The following COL25A1 variants were observed in gnomAD, a reference collection of about 807,000 sequenced individuals.
The protein encoded by COL25A1 is collagen type XXV alpha 1 chain.
In COL25A1, 103 loss-of-function variants were observed where a neutral mutation model predicts 128.4. The ratio of observed to expected loss-of-function variants is 0.80; its 90% confidence interval spans 0.68 to 0.94. COL25A1 has a LOEUF of 0.94. COL25A1 is among the 40% of genes least tolerant of loss of function. The pLI is 0.00. For missense variants in COL25A1, 745 were observed against 840.0 expected (o/e 0.89, Z 1.40); for synonymous variants, 279 against 277.2 (o/e 1.01, Z -0.06).
chr4:109,163,751 A>G (rs1772806572), intron 3 of COL25A1, among the ~76,000 whole-genome samples: 1 of 152,230 alleles, frequency 6.6e-6, no homozygotes, highest in Non-Finnish European at 1.5e-5. Context: ...GTTCATTATG[A>G]GAAGCCACCT....
At position 108,824,209 on chromosome 4, in the gene COL25A1, C is replaced by A. The variant is rs1560702524; in HGVS notation, c.1810G>T (p.Gly604Cys). 1 of 1,613,442 alleles carries A rather than the reference C, an allele frequency of 6.2e-7. No homozygotes were observed. Among genetic ancestry groups the A allele is most frequent in the Non-Finnish European group, 8.5e-7 (1 of 1,179,704 alleles). The stretch of plus-strand genomic sequence containing the variant: ...TTTTCTCCTAGATCACCCTTCTCAC[C>A]CCGTGGACCAGGGAAGCCCTGTAAG... ...PGLDGFPGPR[G>C]EKGDLGEKGE... The change falls in exon 35 of 38, where the codon GGT becomes TGT. Residue 604 changes from glycine (G) to cysteine (C), a missense_variant. By Grantham distance (159) the Gly-to-Cys change is radical. Transcript: ENST00000399132.
intron 8 of COL25A1, among the ~76,000 whole-genome samples, chr4:108,962,337 C>T (rs902659362): frequency 5.3e-5 from 8 of 151,700 alleles, no homozygotes; most frequent in Non-Finnish European, 1.2e-4. Flanking sequence ...ATAGGCGCTA[C>T]GACCAGCCAG....
chr4:109,228,848 C>T (rs1778978182), intron 3 of COL25A1, among the ~76,000 whole-genome samples: 1 of 152,186 alleles, frequency 6.6e-6, no homozygotes, highest in African/African-American at 2.4e-5. Flanking sequence ...CCAGATAGTA[C>T]AGTGGCTAAG....
intron 13 of COL25A1, among the ~76,000 whole-genome samples, chr4:108,903,320 T>C (rs578118863): frequency 6.6e-6 from 1 of 152,120 alleles, no homozygotes; most frequent in African/African-American, 2.4e-5. Flanking sequence ...CTTCTGGTCT[T>C]TGATATTTAT....
chr4:109,207,410 G>C (rs1345627871), intron 3 of COL25A1, among the ~76,000 whole-genome samples: 1 of 152,042 alleles, frequency 6.6e-6, no homozygotes, highest in Non-Finnish European at 1.5e-5. Flanking sequence ...GGAGTGATTT[G>C]CAAGAGGATC....
chr4:108,886,478 G>GTTTTTTTTTTTT (rs1376745333), intron 18 of COL25A1, among the ~76,000 whole-genome samples: 6 of 125,428 alleles, frequency 4.8e-5, no homozygotes, highest in African/African-American at 1.9e-4. Context: ...GTGTGTGTGT[G>GTTTTTTTTTTTT]TGTGTGTGTG....
chr4:109,210,012 C>A (rs1201030726), intron 3 of COL25A1, among the ~76,000 whole-genome samples: 1 of 151,392 alleles, frequency 6.6e-6, no homozygotes, highest in Non-Finnish European at 1.5e-5. Context: ...ATTAGCACCA[C>A]TGCACTCCAG....
intron 18 of COL25A1, among the ~76,000 whole-genome samples, chr4:108,884,886 G>T (rs1299968798): frequency 6.6e-6 from 1 of 152,136 alleles, no homozygotes; most frequent in African/African-American, 2.4e-5. Flanking sequence ...AGTACATTTT[G>T]GGTGAGCATA....
chr4:109,296,373 GC>G (rs576592967), intron 3 of COL25A1, among the ~76,000 whole-genome samples: 60 of 152,100 alleles, frequency 3.9e-4, no homozygotes, highest in African/African-American at 1.4e-3. Context: ...TTAGTCATCT[GC>G]CCCAAAGCAC....
intron 6 of COL25A1, among the ~76,000 whole-genome samples, chr4:108,992,376 T>C (rs1237781504): frequency 6.6e-6 from 1 of 152,222 alleles, no homozygotes; most frequent in African/African-American, 2.4e-5. Context: ...TCATGGTCAA[T>C]AGATCTTTGT....
intron 3 of COL25A1, among the ~76,000 whole-genome samples, chr4:109,159,754 A>G (rs1772379593): frequency 6.6e-6 from 1 of 152,232 alleles, no homozygotes; most frequent in African/African-American, 2.4e-5. Context: ...TTTGGAAAGT[A>G]TTATCAACAT....
chr4:109,067,604 T>A (rs1042028564), intron 3 of COL25A1, among the ~76,000 whole-genome samples: 2 of 152,216 alleles, frequency 1.3e-5, no homozygotes, highest in African/African-American at 4.8e-5. Context: ...AAAATTTCTT[T>A]ACAGAAGAAT....
chr4:108,986,382 A>G (rs1753672766), intron 6 of COL25A1, among the ~76,000 whole-genome samples: 1 of 152,202 alleles, frequency 6.6e-6, no homozygotes, highest in South Asian at 2.1e-4. Flanking sequence ...CTCCTGATCA[A>G]CCAAACTTTG....
At chr4:108,891,711 G>T (rs1251281287) in intron 16 of COL25A1, among the ~76,000 whole-genome samples, 5 of 144,194 alleles carry the variant, frequency 3.5e-5, no homozygotes, top group African/African-American at 1.3e-4. Flanking sequence ...CGTGTTTTAG[G>T]TTTTTTTTTT....
intron 3 of COL25A1, among the ~76,000 whole-genome samples, chr4:109,195,915 G>C (rs1775998796): frequency 6.6e-6 from 1 of 152,196 alleles, no homozygotes. Flanking sequence ...ATTGAATGTG[G>C]TAAGTATACT....
rs1743421370 is a variant in COL25A1 at position 108,905,849 on chromosome 4, TCG to T, written c.781-4679_781-4678del. On this transcript the variant is annotated intron_variant, in intron 13 of 37. Coordinates refer to ENST00000399132, the MANE Select transcript of COL25A1 (RefSeq NM_198721.4). Reference sequence around the variant, plus strand: ...AACTCTGCCAAGCTGGAGCAGTATGTCGGGGGGGGGTGCGGGGGGAGGCGTGG... The same window carrying T: ...AACTCTGCCAAGCTGGAGCAGTATGTGGGGGGGGTGCGGGGGGAGGCGTGG... Among the ~76,000 whole-genome samples the T allele has an allele frequency of 5.1e-5, 5 of 97,544 alleles. No homozygotes were observed. The East Asian group carries it at 1.7e-3, about 33-fold the overall frequency. 64.0% of individuals were successfully genotyped at this position (97,544 alleles called of 152,430 possible). A position where few individuals can be genotyped will look rare whatever the true frequency, so the allele number is the denominator to read the frequency against.
intron 5 of COL25A1, among the ~76,000 whole-genome samples, chr4:109,044,319 T>C (rs1760214337): frequency 6.6e-6 from 1 of 152,136 alleles, no homozygotes; most frequent in South Asian, 2.1e-4. Flanking sequence ...TAGTGGAATA[T>C]ATCCAAGTTT....
intron 24 of COL25A1, among the ~76,000 whole-genome samples, chr4:108,857,421 A>G (rs559118340): frequency 2.6e-4 from 40 of 152,198 alleles, no homozygotes; most frequent in African/African-American, 9.4e-4. Flanking sequence ...ATCGAATCCA[A>G]TTACACAGAG....
Position 108,998,376 on chromosome 4 carries a change from G to C in COL25A1, c.438+11982C>G, listed in dbSNP as rs1285480280. ...AACTCCCATTCACAATTGCTACAAAGAGAATAAAATACCTAGAAATCCAAC... is the reference window on the plus strand; with the variant it reads ...AACTCCCATTCACAATTGCTACAAACAGAATAAAATACCTAGAAATCCAAC... On this transcript the variant is annotated intron_variant, in intron 6 of 37. Transcript: ENST00000399132. 3.9e-5 allele frequency among the ~76,000 whole-genome samples: 6 copies of C among 152,238 alleles called. No homozygotes were observed. The East Asian group carries it at 7.7e-4, about 20-fold the overall frequency.
Sources: gnomAD v4.1 joint callset for allele counts (sites outside exome capture counted in the v4.1 genomes callset) on GRCh38, gnomAD v4.1.1 for gene constraint, MANE v1.5 for transcripts, NCBI Gene and HGNC (gene_info 2026-07-23, HGNC 2026-07-21) for gene names.